The following PPP1CC variants were observed in gnomAD, a reference collection of about 807,000 sequenced individuals.
The protein encoded by PPP1CC is serine/threonine-protein phosphatase PP1-gamma catalytic subunit.
PPP1CC carries 16 observed loss-of-function variants against 38.4 expected under a neutral mutation model. The observed-to-expected ratio is 0.42, with a 90% CI of 0.28 to 0.63. PPP1CC has a LOEUF of 0.63. Ranked by LOEUF, PPP1CC falls within the 30% of genes least tolerant of loss-of-function variation. The pLI, the probability that PPP1CC is intolerant of heterozygous loss-of-function variation, is 0.25. For synonymous variants in PPP1CC, 158 were observed against 136.0 expected (o/e 1.16, Z -1.13); for missense variants, 170 against 391.3 (o/e 0.43, Z 4.77).
At chr12:110,719,202 T>C (rs2069712258), downstream of PPP1CC, among the ~76,000 whole-genome samples, 1 of 151,956 alleles carries the variant, frequency 6.6e-6, no homozygotes, top group South Asian at 2.1e-4. Context: ...ACAGCACAAG[T>C]TTGGATATTG....
At chr12:110,731,339 A>G (rs1258266951) in intron 2 of PPP1CC, among the ~76,000 whole-genome samples, 1 of 152,196 alleles carries the variant, frequency 6.6e-6, no homozygotes, top group African/African-American at 2.4e-5. Context: ...TCAAACGAAT[A>G]AAGTTTGGTT....
Position 110,730,666 on chromosome 12 carries a change from A to T in PPP1CC, c.281T>A (p.Val94Glu). The T allele has an allele frequency of 6.2e-7, 1 of 1,614,168 alleles. No homozygotes were observed. The highest frequency in any genetic ancestry group is 8.5e-7 in the Non-Finnish European group (1 of 1,180,026). The change falls in exon 3 of 7, where the codon GTG (valine) becomes GAG (glutamate). Residue 94 changes from valine (V) to glutamate (E), a missense_variant. Around this residue, in one of 3 missense-constraint regions of PPP1CC, gnomAD observed 117 missense variants for 344.4 expected, o/e 0.34. Transcript: ENST00000335007. Reference sequence around the variant, plus strand: ...CTCCAATGACTGCTTTCCCCTGTCCACATAGTCCCCAAGAAACAGGTAGTT... The same window carrying T: ...CTCCAATGACTGCTTTCCCCTGTCCTCATAGTCCCCAAGAAACAGGTAGTT... The part of the protein sequence containing the change: ...ESNYLFLGDY[V>E]DRGKQSLETI...
intron 6 of PPP1CC, chr12:110,721,536 G>C (rs1440104798): frequency 5.7e-6 from 1 of 174,738 alleles, no homozygotes; most frequent in African/African-American, 2.4e-5. Flanking sequence ...AAAGCTGCAA[G>C]TTCTCTCTGA....
At position 110,741,183 on chromosome 12, in the gene PPP1CC, GT is replaced by G. The variant is rs1045132178; in HGVS notation, c.55+1469del. Among the ~76,000 whole-genome samples the G allele has an allele frequency of 1.5e-3, 222 of 146,654 alleles. 1 individual carries two copies. The highest frequency in any genetic ancestry group is 5.6e-3 in the African/African-American group (208 of 37,448). On this transcript the variant is annotated intron_variant, in intron 1 of 6. Coordinates refer to ENST00000335007, the MANE Select transcript of PPP1CC (RefSeq NM_002710.4). Reference sequence around the variant, plus strand: ...TCAGGGGTCCTTAATGACATTTAGTGTTTTTTTTGTTGTTTTTTTTTTAAAG... The same window carrying G: ...TCAGGGGTCCTTAATGACATTTAGTGTTTTTTTGTTGTTTTTTTTTTAAAG...
chr12:110,731,675 T>C (rs1032712575), intron 2 of PPP1CC, 95 bp downstream of exon 2: 2 of 1,386,802 alleles, frequency 1.4e-6, no homozygotes, highest in African/African-American at 2.9e-5. Flanking sequence ...GCAAACAGGA[T>C]AATCATTCTG....
intron 1 of PPP1CC, among the ~76,000 whole-genome samples, chr12:110,738,888 TAGG>T (rs967141273): frequency 1.3e-5 from 2 of 152,078 alleles, no homozygotes; most frequent in African/African-American, 2.4e-5. Flanking sequence ...CCACCTTGCC[TAGG>T]AGGAGAGGAA....
chr12:110,712,357 A>G, the PPP1CC span, among the ~76,000 whole-genome samples: 5 of 151,544 alleles, frequency 3.3e-5, no homozygotes, highest in African/African-American at 9.7e-5. Flanking sequence ...ACAGACACAC[A>G]GGCCGGGCGT....
chr12:110,727,395 C>T (rs2069811804), intron 3 of PPP1CC, among the ~76,000 whole-genome samples: 1 of 152,184 alleles, frequency 6.6e-6, no homozygotes, highest in Non-Finnish European at 1.5e-5. Flanking sequence ...TTCATTTCCT[C>T]CCTAAGGCTA....
chr12:110,720,070 TTTAAC>T lies in PPP1CC; in HGVS notation c.*1001_*1005del. The T allele has an allele frequency of 7.0e-7, 1 of 1,420,466 alleles. No homozygotes were observed. The highest frequency in any genetic ancestry group is 1.3e-5 in the South Asian group (1 of 79,816). 88.0% of individuals were successfully genotyped at this position (1,420,466 alleles called of 1,614,324 possible). On this transcript the variant is annotated 3_prime_UTR_variant, in exon 7 of 7. Coordinates refer to ENST00000335007, the MANE Select transcript of PPP1CC (RefSeq NM_002710.4). ...GTGGACAGTAAGTTAGTTCCTTTGTTTTAACTTATAAGCCTCAACTTCACCGCAGA... is the reference window on the plus strand; with the variant it reads ...GTGGACAGTAAGTTAGTTCCTTTGTTTTATAAGCCTCAACTTCACCGCAGA...
intron 3 of PPP1CC, chr12:110,725,670 A>G (rs2069790014): frequency 6.6e-6 from 1 of 152,222 alleles, no homozygotes; most frequent in Admixed American, 6.5e-5. Flanking sequence ...CTAGTCACAT[A>G]CCTTGCAAGA....
intron 1 of PPP1CC, chr12:110,732,542 G>C (rs527948462): frequency 6.6e-6 from 1 of 152,296 alleles, no homozygotes; most frequent in African/African-American, 2.4e-5. Context: ...AAAAATGTTA[G>C]TGTTGTTTTC....
chr12:110,724,203 G>A (rs937293483), intron 4 of PPP1CC, among the ~76,000 whole-genome samples: 4 of 151,964 alleles, frequency 2.6e-5, no homozygotes, highest in African/African-American at 4.8e-5. Context: ...GTGCCACTGC[G>A]CTCCAGCCTG....
Position 110,722,801 on chromosome 12 carries a change from T to A in PPP1CC, c.524-106A>T. On this transcript the variant is annotated intron_variant, in intron 4 of 6. Coordinates refer to ENST00000335007, the MANE Select transcript of PPP1CC (RefSeq NM_002710.4). This position sits in a 1 kb window ranked among gnomAD's most constrained non-coding sequence, Gnocchi z 5.4. ...ACAGAGAAATTCAATAATCCTGACA[T>A]AAAAACTGAAATCTATGATTATATT... The A allele has an allele frequency of 1.2e-6, 1 of 833,356 alleles. No individual in the cohort carries two copies. The highest frequency in any genetic ancestry group is 1.8e-6 in the Non-Finnish European group (1 of 553,016). The allele number at this position is 833,356 out of a possible 1,614,324, so 51.6% of individuals were successfully genotyped here.
chr12:110,720,815 G>A lies in PPP1CC; in HGVS notation c.*261C>T. On this transcript the variant is annotated 3_prime_UTR_variant, in exon 7 of 7. Transcript: ENST00000335007. ...CAGACAGGATAAACTGTCCTGGGGT[G>A]TACAGCTTTAACACCATCATTAAAA... 2.8e-6 allele frequency: 1 copy of A among 355,914 alleles called. No individual in the cohort carries two copies. The highest frequency in any genetic ancestry group is 5.2e-6 in the Non-Finnish European group (1 of 191,340). The allele number at this position is 355,914 out of a possible 1,614,324, so 22.0% of individuals were successfully genotyped here. A position where few individuals can be genotyped will look rare whatever the true frequency, so the allele number is the denominator to read the frequency against.
intron 3 of PPP1CC, among the ~76,000 whole-genome samples, chr12:110,727,711 C>G (rs762490102): frequency 1.3e-5 from 2 of 151,524 alleles, no homozygotes; most frequent in Non-Finnish European, 2.9e-5. Flanking sequence ...CATTTGAATA[C>G]AACTTTTCAT....
chr12:110,712,572 G>A, the PPP1CC span, among the ~76,000 whole-genome samples: 5 of 147,468 alleles, frequency 3.4e-5, no homozygotes, highest in African/African-American at 1.0e-4. Flanking sequence ...TCCGGGAAGC[G>A]GAGGTTGCAC....
intron 1 of PPP1CC, among the ~76,000 whole-genome samples, chr12:110,737,665 C>G (rs1196136874): frequency 8.6e-5 from 13 of 151,838 alleles, no homozygotes; most frequent in Admixed American, 8.5e-4. Flanking sequence ...GACACCAAGG[C>G]AGGGAGCTGT....
At chr12:110,729,775 TG>T (rs1357541462) in intron 3 of PPP1CC, among the ~76,000 whole-genome samples, 1 of 152,188 alleles carries the variant, frequency 6.6e-6, no homozygotes, top group African/African-American at 2.4e-5. Flanking sequence ...AGTGGTTGCC[TG>T]GGGACTATGG....
At chr12:110,731,664 C>T (rs1308401975) in intron 2 of PPP1CC, 106 bp downstream of exon 2, 16 of 1,294,092 alleles carry the variant, frequency 1.2e-5, no homozygotes, top group South Asian at 1.2e-4. Flanking sequence ...CCAAGCTATT[C>T]GCAAACAGGA....
Sources: gnomAD v4.1 joint callset for allele counts (sites outside exome capture counted in the v4.1 genomes callset) on GRCh38, gnomAD v4.1.1 for gene constraint, gnomAD v4.1.1 regional missense constraint, Gnocchi (gnomAD v3.1) non-coding constraint, MANE v1.5 for transcripts, NCBI Gene and HGNC (gene_info 2026-07-23, HGNC 2026-07-21) for gene names.